Variants in NEBL observed in about 807,000 individuals in gnomAD.
The protein encoded by NEBL is nebulette, also known as LIM and SH3 protein 2.
Under a neutral mutation model 140.2 loss-of-function variants are expected in NEBL, and 122 were observed. The ratio of observed to expected loss-of-function variants is 0.87; its 90% confidence interval spans 0.75 to 1.01. The LOEUF is 1.01. NEBL is among the 50% of genes least tolerant of loss of function. The pLI, the probability that NEBL is intolerant of heterozygous loss-of-function variation, is 0.00. For missense variants in NEBL, 1,365 were observed against 1,231.3 expected, an observed-to-expected ratio of 1.11 and a Z score of -1.62; for synonymous variants, 436 against 398.9, an observed-to-expected ratio of 1.09 and a Z score of -1.11.
intron 4 of NEBL, among the ~76,000 whole-genome samples, chr10:20,904,891 T>C (rs886241402): frequency 1.1e-4 from 17 of 152,244 alleles, no homozygotes; most frequent in African/African-American, 4.1e-4. Flanking sequence ...GGCAATTCTT[T>C]AACCCATTCA....
intron 2 of NEBL, 131 bp from the exon 3 acceptor site, chr10:20,890,080 C>T (rs888401306): frequency 4.4e-5 from 28 of 635,316 alleles, no homozygotes; most frequent in African/African-American, 2.2e-4. Context: ...GACCTCAAAA[C>T]AAGCCAAGTT....
At chr10:20,963,644 C>T (rs1441643005) in intron 3 of NEBL, among the ~76,000 whole-genome samples, 2 of 152,176 alleles carry the variant, frequency 1.3e-5, no homozygotes, top group African/African-American at 4.8e-5. Flanking sequence ...ATCCTCCTAC[C>T]TTAGCCTCCC....
chr10:21,060,357 G>A (rs1044460497), intron 2 of NEBL, among the ~76,000 whole-genome samples: 5 of 152,188 alleles, frequency 3.3e-5, no homozygotes, highest in African/African-American at 1.2e-4. Flanking sequence ...TGGGGTAAAA[G>A]TCATCACAAG....
In NEBL at chr10:20,954,768, G is replaced by A. The variant is rs45446496; in HGVS notation, c.357+6904C>T. ...ACAAACTTCCCAAGGCTCTACCCTA[G>A]TGGGCAGGCTGGTTGGAGTTTTTCC... On this transcript the variant is annotated intron_variant, in intron 4 of 6. Coordinates refer to the NEBL transcript ENST00000417816. Among the ~76,000 whole-genome samples, 928 of 152,288 alleles carry A rather than the reference G, an allele frequency of 6.1e-3. 9 individuals are homozygous for A. The highest frequency in any genetic ancestry group is 0.011 in the Admixed American group (172 of 15,290).
At chr10:21,163,546 C>T (rs1840639412) in intron 2 of NEBL, among the ~76,000 whole-genome samples, 1 of 152,184 alleles carries the variant, frequency 6.6e-6, no homozygotes, top group African/African-American at 2.4e-5. Context: ...CCAACATTGG[C>T]AGGCAACCTT....
At chr10:20,992,270 C>T (rs114694270) in intron 3 of NEBL, among the ~76,000 whole-genome samples, 2,225 of 152,242 alleles carry the variant, frequency 0.015, 49 homozygotes, top group African/African-American at 0.051. Context: ...GAATGCCATT[C>T]CTAAGTTTCA....
chr10:21,056,154 G>A (rs116122805), intron 2 of NEBL, among the ~76,000 whole-genome samples: 8 of 152,246 alleles, frequency 5.3e-5, no homozygotes, highest in South Asian at 4.2e-4. Flanking sequence ...TGCTTTTAAC[G>A]GTAGAGAATA....
intron 8 of NEBL, 107 bp from the exon 9 acceptor site, chr10:20,858,451 T>A (rs1484264494): frequency 9.7e-6 from 9 of 926,656 alleles, no homozygotes; most frequent in Non-Finnish European, 1.5e-5. Context: ...TAGTGGTAAA[T>A]GGACAGACGA....
intron 17 of NEBL, among the ~76,000 whole-genome samples, chr10:20,826,885 A>T (rs1839934617): frequency 6.6e-6 from 1 of 152,244 alleles, no homozygotes; most frequent in Non-Finnish European, 1.5e-5. Flanking sequence ...AGCAGATATT[A>T]CAAAAGCCCA....
intron 3 of NEBL, among the ~76,000 whole-genome samples, chr10:21,180,179 T>C (rs1841365482): frequency 6.6e-6 from 1 of 151,740 alleles, no homozygotes; most frequent in Non-Finnish European, 1.5e-5. Context: ...AAACAGATTA[T>C]CTCCCCGAGC....
intron 4 of NEBL, among the ~76,000 whole-genome samples, chr10:20,942,658 C>G (rs1834936999): frequency 6.6e-6 from 1 of 152,148 alleles, no homozygotes; most frequent in South Asian, 2.1e-4. Context: ...AGGTGACCTA[C>G]AGAATGGGAG....
chr10:20,927,554 A>G (rs1411138017), intron 4 of NEBL, among the ~76,000 whole-genome samples: 1 of 152,246 alleles, frequency 6.6e-6, no homozygotes, highest in Non-Finnish European at 1.5e-5. Flanking sequence ...AGTCAGTAAC[A>G]GTACATTAAA....
In NEBL at chr10:21,044,258, G is replaced by C. The variant is rs527799716; in HGVS notation, c.165-24057C>G. Among the ~76,000 whole-genome samples the C allele has an allele frequency of 9.9e-5, 15 of 152,116 alleles. 1 individual carries two copies. Among genetic ancestry groups the C allele is most frequent in the African/African-American group, 3.4e-4 (14 of 41,488 alleles). On this transcript the variant is annotated intron_variant, in intron 2 of 6. Coordinates refer to the NEBL transcript ENST00000417816. ...CCGAAAATACAAAAATTAGCTGGGCGTGGTGGTGGGCGCCTGTAATCCCAG... is the reference window on the plus strand; with the variant it reads ...CCGAAAATACAAAAATTAGCTGGGCCTGGTGGTGGGCGCCTGTAATCCCAG...
rs1176763018 is a variant in NEBL at position 21,169,067 on chromosome 10, AATATAT to A, written c.164+3310_164+3315del. On this transcript the variant is annotated intron_variant, in intron 2 of 6. Transcript: ENST00000417816. ...CCGTCTACAAAAAAAAAAAAAAAAA[AATATAT>A]ATATATATATATATATATATATATA... Among the ~76,000 whole-genome samples, 156 of 22,962 alleles carry A rather than the reference AATATAT, an allele frequency of 6.8e-3. 2 individuals carry two copies. Among genetic ancestry groups the A allele is most frequent in the African/African-American group, 0.013 (98 of 7,592 alleles). The allele number at this position is 22,962 out of a possible 152,430, so 15.1% of individuals were successfully genotyped here.
chr10:20,789,886 C>G (rs991810221), intron 26 of NEBL, among the ~76,000 whole-genome samples: 1 of 149,292 alleles, frequency 6.7e-6, no homozygotes. Context: ...TACACACACA[C>G]ATATATATAT....
At position 20,926,365 on chromosome 10, in the gene NEBL, G is replaced by C. The variant is rs1833912416; in HGVS notation, c.357+35307C>G. Among the ~76,000 whole-genome samples the C allele has an allele frequency of 2.0e-5, 3 of 151,560 alleles. No homozygotes were observed. The South Asian group carries it at 6.3e-4, about 32-fold the overall frequency. On this transcript the variant is annotated intron_variant, in intron 4 of 6. Transcript: ENST00000417816. Reference sequence around the variant, plus strand: ...TAAAACTTGACTAATTTTTCTAAGAGGGCTTAAACAAACTTGTGATTTGAT... The same window carrying C: ...TAAAACTTGACTAATTTTTCTAAGACGGCTTAAACAAACTTGTGATTTGAT...
At chr10:21,131,264 G>A (rs1311777787) in intron 2 of NEBL, among the ~76,000 whole-genome samples, 1 of 152,170 alleles carries the variant, frequency 6.6e-6, no homozygotes, top group East Asian at 1.9e-4. Flanking sequence ...TTTGAAAACA[G>A]AAAGCACAAG....
At chr10:20,930,797 G>A (rs1209752699) in intron 4 of NEBL, among the ~76,000 whole-genome samples, 2 of 152,170 alleles carry the variant, frequency 1.3e-5, no homozygotes, top group African/African-American at 4.8e-5. Flanking sequence ...ACAGGAGCAT[G>A]GAGATCCAGG....
intron 26 of NEBL, among the ~76,000 whole-genome samples, chr10:20,798,609 G>T (rs3781485): frequency 6.6e-6 from 1 of 152,144 alleles, no homozygotes; most frequent in African/African-American, 2.4e-5. Flanking sequence ...TTACATGCAT[G>T]TCACTTTACA....
Sources: gnomAD v4.1 joint callset for allele counts (sites outside exome capture counted in the v4.1 genomes callset) on GRCh38, gnomAD v4.1.1 for gene constraint, MANE v1.5 for transcripts, NCBI Gene and HGNC (gene_info 2026-07-23, HGNC 2026-07-21) for gene names.